Variants in ADGRV1 observed in about 807,000 individuals in gnomAD.
ADGRV1 encodes G-protein coupled receptor 98.
In ADGRV1, 359 loss-of-function variants were observed where a neutral mutation model predicts 596.2. The observed-to-expected ratio is 0.60, with a 90% CI of 0.55 to 0.66. The LOEUF (loss-of-function observed/expected upper bound fraction) is 0.66. Among genes scored for constraint, ADGRV1 ranks in the 30% least tolerant of loss-of-function variants. The pLI is 0.00. For missense variants in ADGRV1, 7,274 were observed against 7,575.6 expected (o/e 0.96, Z 1.48); for synonymous variants, 2,681 against 2,679.2 (o/e 1.00, Z -0.02).
chr5:91,163,752 AT>A (rs1797144773), intron 89 of ADGRV1, 29 bp from the exon 90 acceptor site: 1 of 984,646 alleles, frequency 1.0e-6, no homozygotes, highest in African/African-American at 1.6e-5. Context: ...AATAGTTTGG[AT>A]TTTTGTGTTC....
intron 85 of ADGRV1, chr5:91,031,329 G>C: frequency 7.6e-7 from 1 of 1,315,868 alleles, no homozygotes; most frequent in Non-Finnish European, 1.1e-6. Flanking sequence ...CTTGCTAACA[G>C]ATACAATCCC....
rs1778571721 is a variant in ADGRV1 at position 90,967,410 on chromosome 5, A to G, written c.17973+1879A>G. On this transcript the variant is annotated intron_variant, in intron 84 of 89. Coordinates refer to ENST00000405460, the MANE Select transcript of ADGRV1 (RefSeq NM_032119.4). ...TTGCAAATAAAAGTGAATTTAAACC[A>G]TATAACATAAAACTTACATATCTGC... Among the ~76,000 whole-genome samples the G allele has an allele frequency of 2.0e-5, 3 of 152,384 alleles. No individual in the cohort carries two copies. The South Asian group carries it at 6.2e-4, about 32-fold the overall frequency.
At chr5:90,848,075 AC>A (rs1766098602) in intron 78 of ADGRV1, among the ~76,000 whole-genome samples, 1 of 152,150 alleles carries the variant, frequency 6.6e-6, no homozygotes, top group Non-Finnish European at 1.5e-5. Flanking sequence ...TCTCAAAAAA[AC>A]AAATAACCCA....
chr5:90,756,172 A>G (rs1260333430), intron 55 of ADGRV1, among the ~76,000 whole-genome samples: 1 of 152,156 alleles, frequency 6.6e-6, no homozygotes, highest in Non-Finnish European at 1.5e-5. Context: ...ATACAATAGA[A>G]TATGGTCAAA....
intron 47 of ADGRV1, 26 bp from the exon 48 acceptor site, chr5:90,725,522 GT>G: frequency 8.2e-7 from 1 of 1,220,434 alleles, no homozygotes; most frequent in Non-Finnish European, 1.2e-6. Flanking sequence ...TCTCCTTTAA[GT>G]TTTCATTCCC....
intron 70 of ADGRV1, among the ~76,000 whole-genome samples, chr5:90,801,081 T>C (rs1021905821): frequency 6.6e-6 from 1 of 151,964 alleles, no homozygotes; most frequent in African/African-American, 2.4e-5. Context: ...ATAATAAAAA[T>C]AAAGAACGAA....
At chr5:90,746,850 T>C (rs1008710181) in intron 52 of ADGRV1, among the ~76,000 whole-genome samples, 4 of 152,334 alleles carry the variant, frequency 2.6e-5, no homozygotes, top group African/African-American at 9.6e-5. Flanking sequence ...ATTTAACAAA[T>C]GCCTGTTAGG....
intron 65 of ADGRV1, 140 bp from the exon 66 acceptor site, chr5:90,782,984 T>C (rs1325245278): frequency 1.5e-5 from 10 of 682,650 alleles, no homozygotes; most frequent in East Asian, 2.5e-5. Context: ...CTAATCCCCC[T>C]TTAAAATGAT....
At chr5:90,963,781 T>A (rs909827941) in intron 83 of ADGRV1, among the ~76,000 whole-genome samples, 28 of 151,104 alleles carry the variant, frequency 1.9e-4, no homozygotes, top group African/African-American at 3.7e-4. Context: ...AAAGATTTTT[T>A]AAAAATCTAT....
At chr5:90,961,887 A>G (rs1473078798) in intron 83 of ADGRV1, among the ~76,000 whole-genome samples, 1 of 152,142 alleles carries the variant, frequency 6.6e-6, no homozygotes, top group Non-Finnish European at 1.5e-5. Context: ...GAATAGTATT[A>G]TATTTGCTCT....
At chr5:90,912,487 G>T (rs1230215319) in intron 83 of ADGRV1, among the ~76,000 whole-genome samples, 2 of 152,240 alleles carry the variant, frequency 1.3e-5, no homozygotes, top group Admixed American at 1.3e-4. Flanking sequence ...TGTCACCCAG[G>T]TAGTAAGCAT....
At chr5:90,727,636 T>G (rs1440369367) in intron 48 of ADGRV1, among the ~76,000 whole-genome samples, 1 of 152,236 alleles carries the variant, frequency 6.6e-6, no homozygotes, top group Non-Finnish European at 1.5e-5. Flanking sequence ...TAGCTATATT[T>G]CCTGATTTGC....
chr5:90,754,076 A>G (rs1301488796), intron 54 of ADGRV1, among the ~76,000 whole-genome samples: 1 of 152,126 alleles, frequency 6.6e-6, no homozygotes, highest in Non-Finnish European at 1.5e-5. Flanking sequence ...TTTAGTTGTG[A>G]GTACAGTAGA....
intron 75 of ADGRV1, among the ~76,000 whole-genome samples, chr5:90,820,735 A>C (rs1186957766): frequency 6.6e-6 from 1 of 151,252 alleles, no homozygotes; most frequent in Non-Finnish European, 1.5e-5. Context: ...AGAATGTTGA[A>C]TATTGGCCCC....
chr5:90,628,328 C>T (rs1356082252), intron 7 of ADGRV1, among the ~76,000 whole-genome samples: 3 of 152,228 alleles, frequency 2.0e-5, no homozygotes, highest in African/African-American at 7.2e-5. Flanking sequence ...AGGAGGATTG[C>T]CTGAGTCCAT....
chr5:90,786,463 A>G (rs754148583), intron 67 of ADGRV1, among the ~76,000 whole-genome samples: 3 of 152,152 alleles, frequency 2.0e-5, no homozygotes, highest in Admixed American at 6.5e-5. Context: ...AAGCCAGAGA[A>G]CAATGTCACC....
chr5:90,787,684 C>T lies in ADGRV1; in HGVS notation c.13654-387C>T, dbSNP rs193181241. 5.3e-3 allele frequency among the ~76,000 whole-genome samples: 795 copies of T among 150,980 alleles called. 4 individuals are homozygous for T. The highest frequency in any genetic ancestry group is 0.018 in the African/African-American group (743 of 41,126). ...CTTGGCTCACTGCAACCTCCGCCTC[C>T]CAGGTTCAAGCAATTCTCCTGTTTC... On this transcript the variant is annotated intron_variant, in intron 67 of 89. Coordinates refer to ENST00000405460, the MANE Select transcript of ADGRV1 (RefSeq NM_032119.4).
chr5:90,949,269 A>T (rs972457979), intron 83 of ADGRV1, among the ~76,000 whole-genome samples: 2 of 152,208 alleles, frequency 1.3e-5, no homozygotes, highest in East Asian at 3.9e-4. Context: ...CTATACCATG[A>T]TCTGGTTTGT....
At chr5:91,024,933 C>G (rs997262879) in intron 85 of ADGRV1, among the ~76,000 whole-genome samples, 1 of 152,098 alleles carries the variant, frequency 6.6e-6, no homozygotes, top group African/African-American at 2.4e-5. Context: ...AGTGGGTCTC[C>G]CCATCGACTT....
Sources: allele counts gnomAD v4.1 joint callset (sites outside exome capture counted in the v4.1 genomes callset), GRCh38; gene constraint gnomAD v4.1.1; transcripts MANE v1.5; gene names NCBI Gene and HGNC (gene_info 2026-07-23, HGNC 2026-07-21).